IGSF10: variants seen among roughly 807,000 people sequenced by gnomAD.
The protein encoded by IGSF10 is immunoglobulin superfamily member 10.
In IGSF10, 126 loss-of-function variants were observed where a neutral mutation model predicts 128.2. The ratio of observed to expected loss-of-function variants is 0.98; its 90% confidence interval spans 0.85 to 1.14. The LOEUF is 1.14. IGSF10 is among the 50% of genes most tolerant of loss of function. IGSF10 has a pLI of 0.00. For synonymous variants in IGSF10, 1,185 were observed against 1,146.2 expected, an observed-to-expected ratio of 1.03 and a Z score of -0.68; for missense variants, 3,295 against 3,149.8, an observed-to-expected ratio of 1.05 and a Z score of -1.10.
the IGSF10 span, among the ~76,000 whole-genome samples, chr3:151,607,634 A>T: frequency 2.6e-5 from 4 of 152,174 alleles, no homozygotes; most frequent in African/African-American, 9.7e-5. Context: ...AACATGGGCC[A>T]GGCGCGGTGG....
chr3:151,534,096 A>G, the IGSF10 span, among the ~76,000 whole-genome samples: 1 of 152,222 alleles, frequency 6.6e-6, no homozygotes, highest in Non-Finnish European at 1.5e-5. Flanking sequence ...GCAAGTCAAA[A>G]CCACAATGAG....
the IGSF10 span, among the ~76,000 whole-genome samples, chr3:151,495,169 T>C: frequency 5.8e-4 from 89 of 152,282 alleles, no homozygotes; most frequent in African/African-American, 1.9e-3. Flanking sequence ...TTTTCTCTTT[T>C]GAGCAAAACT....
intron 1 of IGSF10, among the ~76,000 whole-genome samples, chr3:151,460,731 G>A (rs1454377759): frequency 6.7e-6 from 1 of 150,300 alleles, no homozygotes; most frequent in African/African-American, 2.5e-5. Flanking sequence ...TCCTCAGTGT[G>A]TGTTTTTTTT....
chr3:151,451,168 TC>T lies in IGSF10; in HGVS notation c.716-1904del, dbSNP rs542501744. On this transcript the variant is annotated intron_variant, in intron 5 of 7. Coordinates refer to ENST00000282466, the MANE Select transcript of IGSF10 (RefSeq NM_178822.5). ...TCCCTCGGTTCCAGCCCCATGGAAATCCTTTCCATTCCTCAACCCTGCCATG... is the reference window on the plus strand; with the variant it reads ...TCCCTCGGTTCCAGCCCCATGGAAATCTTTCCATTCCTCAACCCTGCCATG... Among the ~76,000 whole-genome samples, 636 of 152,186 alleles carry T rather than the reference TC, an allele frequency of 4.2e-3. 4 individuals carry two copies. The highest frequency in any genetic ancestry group is 6.1e-3 in the Non-Finnish European group (416 of 67,998).
chr3:151,569,147 C>T, the IGSF10 span, among the ~76,000 whole-genome samples: 1 of 152,216 alleles, frequency 6.6e-6, no homozygotes, highest in Non-Finnish European at 1.5e-5. Context: ...TCTTGACTCA[C>T]TGCAACCTCC....
chr3:151,602,280 T>A, the IGSF10 span, among the ~76,000 whole-genome samples: 3 of 152,336 alleles, frequency 2.0e-5, no homozygotes, highest in East Asian at 3.9e-4. Flanking sequence ...CATTTAAAAA[T>A]ATATATATCT....
the IGSF10 span, among the ~76,000 whole-genome samples, chr3:151,472,021 A>G: frequency 5.1e-4 from 77 of 152,328 alleles, no homozygotes; most frequent in African/African-American, 1.8e-3. Context: ...GAGTCTTTGA[A>G]GCTTCCATTG....
downstream of IGSF10, chr3:151,433,508 T>C (rs576392575): frequency 6.6e-6 from 1 of 152,628 alleles, no homozygotes; most frequent in Non-Finnish European, 1.5e-5. Flanking sequence ...GGAAACCTGT[T>C]AGAAGTAGCT....
the IGSF10 span, among the ~76,000 whole-genome samples, chr3:151,577,585 T>G: frequency 6.1e-4 from 93 of 152,202 alleles, 1 homozygote; most frequent in South Asian, 0.019. Context: ...TCATATTAAA[T>G]GCATATTGAG....
chr3:151,569,551 G>C, the IGSF10 span, among the ~76,000 whole-genome samples: 1 of 151,994 alleles, frequency 6.6e-6, no homozygotes, highest in South Asian at 2.1e-4. Flanking sequence ...TTTAAGTAGG[G>C]GTATTGCAAT....
chr3:151,543,223 C>A, the IGSF10 span, among the ~76,000 whole-genome samples: 1 of 152,176 alleles, frequency 6.6e-6, no homozygotes, highest in Non-Finnish European at 1.5e-5. Flanking sequence ...CTGGGTCCAG[C>A]CTATGCTGCC....
the IGSF10 span, among the ~76,000 whole-genome samples, chr3:151,581,502 G>A: frequency 6.6e-6 from 1 of 152,148 alleles, no homozygotes; most frequent in Non-Finnish European, 1.5e-5. Flanking sequence ...ATTACTGAAA[G>A]AGTCTTGGAG....
the IGSF10 span, among the ~76,000 whole-genome samples, chr3:151,467,426 T>C: frequency 6.6e-6 from 1 of 152,196 alleles, no homozygotes; most frequent in Admixed American, 6.5e-5. Flanking sequence ...AGAATCCTAA[T>C]AGGAGCTTAC....
chr3:151,473,363 G>A, the IGSF10 span, among the ~76,000 whole-genome samples: 1 of 152,240 alleles, frequency 6.6e-6, no homozygotes, highest in East Asian at 1.9e-4. Context: ...AACTATTATT[G>A]ATATTCTAAA....
the IGSF10 span, among the ~76,000 whole-genome samples, chr3:151,582,266 TA>T: frequency 6.0e-3 from 690 of 114,216 alleles, 4 homozygotes; most frequent in African/African-American, 0.022. Context: ...TTTTTATTTT[TA>T]AATAAATATT....
the IGSF10 span, among the ~76,000 whole-genome samples, chr3:151,490,499 A>G: frequency 1.0e-5 from 1 of 97,648 alleles, no homozygotes; most frequent in Non-Finnish European, 2.1e-5. Flanking sequence ...ACTGAATTTG[A>G]ACTGCATTTT....
At chr3:151,516,302 C>A in the IGSF10 span, among the ~76,000 whole-genome samples, 1 of 152,038 alleles carries the variant, frequency 6.6e-6, no homozygotes, top group Admixed American at 6.6e-5. Flanking sequence ...TGTCTAAGAT[C>A]AATCTTGACA....
the IGSF10 span, among the ~76,000 whole-genome samples, chr3:151,595,514 ATACTC>A: frequency 2.7e-5 from 4 of 148,864 alleles, no homozygotes; most frequent in Non-Finnish European, 5.9e-5. Context: ...AATAGCATCA[ATACTC>A]TAATATATTA....
At chr3:151,521,584 A>G in the IGSF10 span, among the ~76,000 whole-genome samples, 1 of 152,082 alleles carries the variant, frequency 6.6e-6, no homozygotes, top group Non-Finnish European at 1.5e-5. Context: ...TTACATGGAA[A>G]TTAAACAACA....
Sources: allele counts gnomAD v4.1 joint callset (sites outside exome capture counted in the v4.1 genomes callset), GRCh38; gene constraint gnomAD v4.1.1; transcripts MANE v1.5; gene names NCBI Gene and HGNC (gene_info 2026-07-23, HGNC 2026-07-21).